The following EPS8L2 variants were observed in gnomAD, a reference collection of about 807,000 sequenced individuals.
EPS8L2 encodes EPS8 signaling adaptor L2, also known as epidermal growth factor receptor kinase substrate 8-like protein 2.
Under a neutral mutation model 99.4 loss-of-function variants are expected in EPS8L2, and 81 were observed. The ratio of observed to expected loss-of-function variants is 0.82; its 90% CI spans 0.68 to 0.98. The LOEUF is 0.98. Among genes scored for constraint, EPS8L2 ranks in the 50% least tolerant of loss-of-function variants. EPS8L2 has a pLI of 0.00. For missense variants in EPS8L2, 1,155 were observed against 968.8 expected (o/e 1.19, Z -2.55); for synonymous variants, 509 against 407.3 (o/e 1.25, Z -3.01).
At chr11:718,255 C>T (rs1862070684) in intron 4 of EPS8L2, among the ~76,000 whole-genome samples, 1 of 151,984 alleles carries the variant, frequency 6.6e-6, no homozygotes, top group Non-Finnish European at 1.5e-5. Context: ...ATCACTTGAA[C>T]CCGGGAGGCG....
At chr11:709,656 C>A in intron 3 of EPS8L2, 48 bp downstream of exon 3, 1 of 1,593,120 alleles carries the variant, frequency 6.3e-7, no homozygotes, top group Non-Finnish European at 8.6e-7. Context: ...GAGAAATGGG[C>A]ACTGCATCCA....
At chr11:707,439 C>G (rs138299721) in intron 1 of EPS8L2, among the ~76,000 whole-genome samples, 2 of 152,120 alleles carry the variant, frequency 1.3e-5, no homozygotes, top group Non-Finnish European at 2.9e-5. Flanking sequence ...ACTTGGAGCC[C>G]GTCCCTCTAC....
chr11:709,260 G>A, intron 1 of EPS8L2, 70 bp from the exon 2 acceptor site: 1 of 967,698 alleles, frequency 1.0e-6, no homozygotes, highest in South Asian at 1.5e-5. Context: ...TCAGGGATCT[G>A]GCCCAGGGAA....
At chr11:714,290 C>T (rs754622644) in intron 4 of EPS8L2, among the ~76,000 whole-genome samples, 2 of 149,914 alleles carry the variant, frequency 1.3e-5, no homozygotes, top group Non-Finnish European at 3.0e-5. Context: ...GGTGCAGTGG[C>T]GTGATCTTGG....
intron 16 of EPS8L2, 40 bp from the exon 17 acceptor site, chr11:725,688 G>A (rs1203057186): frequency 3.1e-6 from 4 of 1,297,732 alleles, no homozygotes; most frequent in Non-Finnish European, 3.9e-6. Context: ...CAGCCCCGCA[G>A]AGCCTGGGTG....
chr11:720,565 G>A (rs758249192), intron 5 of EPS8L2, 32 bp from the exon 6 acceptor site: 6 of 1,582,922 alleles, frequency 3.8e-6, no homozygotes, highest in Admixed American at 1.8e-5. Flanking sequence ...CAGACCCCGG[G>A]TGCGAGTCGT....
chr11:721,018 C>T (rs773972559), intron 7 of EPS8L2, 46 bp from the exon 8 acceptor site: 1 of 1,043,612 alleles, frequency 9.6e-7, no homozygotes, highest in South Asian at 1.9e-5. Flanking sequence ...GAGGGAGGGT[C>T]AGGTGCGTTC....
chr11:720,982 GCA>G, intron 7 of EPS8L2, 73 bp downstream of exon 7: 5 of 1,454,178 alleles, frequency 3.4e-6, no homozygotes, highest in Non-Finnish European at 4.6e-6. Context: ...GGAGGAGCCG[GCA>G]GGGGAGGGGA....
Position 724,689 on chromosome 11 carries a change from C to G in EPS8L2, c.1455-35C>G, listed in dbSNP as rs1456384465. 26 of 1,513,888 alleles carry G rather than the reference C, an allele frequency of 1.7e-5. No individual in the cohort carries two copies. Among genetic ancestry groups the G allele is most frequent in the Non-Finnish European group, 2.3e-5 (25 of 1,090,120 alleles). 93.8% of individuals were successfully genotyped at this position (1,513,888 alleles called of 1,614,324 possible). A position where few individuals can be genotyped will look rare whatever the true frequency, so the allele number is the denominator to read the frequency against. On this transcript the variant is annotated intron_variant, in intron 15 of 20. Coordinates refer to ENST00000318562, the MANE Select transcript of EPS8L2 (RefSeq NM_022772.4). The surrounding 1 kb of genome is among the most constrained non-coding windows in gnomAD (Gnocchi z 5.5). The stretch of plus-strand genomic sequence containing the variant: ...GCCCAGGTCTCAGAGGAGACCCCCA[C>G]CAGACTGGGCCTCAGCCCCTCCTGT...
At chr11:709,474 A>G (rs1360508349) in intron 2 of EPS8L2, 23 bp downstream of exon 2, 11 of 839,066 alleles carry the variant, frequency 1.3e-5, no homozygotes, top group Non-Finnish European at 2.0e-5. Flanking sequence ...ACCCATCCCG[A>G]ATACCCCACC....
Position 724,472 on chromosome 11 carries a change from T to G in EPS8L2, c.1455-252T>G, listed in dbSNP as rs1345733228. On this transcript the variant is annotated intron_variant, in intron 15 of 20. Transcript: ENST00000318562. The surrounding 1 kb of genome is among the most constrained non-coding windows in gnomAD (Gnocchi z 5.5). ...GAGGTGGCCTGGGATGGGCCAGCCT[T>G]GCTGTACCACAGGCCCCTGCGCCAC... 7 of 526,260 alleles carry G rather than the reference T, an allele frequency of 1.3e-5. No homozygotes were observed. In the Admixed American group the frequency reaches 2.3e-4, roughly 17 times the overall value. 32.6% of individuals were successfully genotyped at this position (526,260 alleles called of 1,614,324 possible). A position where few individuals can be genotyped will look rare whatever the true frequency, so the allele number is the denominator to read the frequency against.
In EPS8L2 at chr11:721,830, C is replaced by T. The variant is rs1352398792; in HGVS notation, c.896-73C>T. 8.5e-6 allele frequency: 13 copies of T among 1,526,100 alleles called. No homozygotes were observed. The East Asian group carries it at 9.5e-5, about 11-fold the overall frequency. The allele number at this position is 1,526,100 out of a possible 1,614,324, so 94.5% of individuals were successfully genotyped here. On this transcript the variant is annotated intron_variant, in intron 10 of 20. Transcript: ENST00000318562. ...GGAAGGTCCAGCCCACACAGATGGGCTGCGTGGGACAGAAGGCGCAGGGGC... is the reference window on the plus strand; with the variant it reads ...GGAAGGTCCAGCCCACACAGATGGGTTGCGTGGGACAGAAGGCGCAGGGGC...
chr11:721,560 C>G lies in EPS8L2; in HGVS notation c.769-5C>G, dbSNP rs1172091992. Reference sequence around the variant, plus strand: ...GGGCTGACCCCTGACCCCCTCTGACCCCAGCAAATCCTCAACTGCGCCCTG... The same window carrying G: ...GGGCTGACCCCTGACCCCCTCTGACGCCAGCAAATCCTCAACTGCGCCCTG... On this transcript the variant is annotated splice_region_variant and splice_polypyrimidine_tract_variant and intron_variant, in intron 9 of 20. Transcript: ENST00000318562. The G allele has an allele frequency of 3.9e-6, 6 of 1,551,794 alleles. No individual in the cohort carries two copies. The highest frequency in any genetic ancestry group is 5.2e-6 in the Non-Finnish European group (6 of 1,152,422).
In EPS8L2 at chr11:726,674, G is replaced by A; in HGVS notation, c.1990G>A (p.Glu664Lys). 1 of 1,577,176 alleles carries A rather than the reference G, an allele frequency of 6.3e-7. No homozygotes were observed. The highest frequency in any genetic ancestry group is 8.6e-7 in the Non-Finnish European group (1 of 1,162,634). The stretch of plus-strand genomic sequence containing the variant: ...GCCGCAGCTCTTCTCCCTCAACAAG[G>A]AGGAGCTGAAGAAAGTGTGCGGCGA... ...TGPQLFSLNK[E>K]ELKKVCGEEG... The change falls in exon 20 of 21, where the codon GAG becomes AAG. Residue 664 changes from glutamate (E) to lysine (K), a missense_variant. Glu to Lys is a moderately conservative substitution (Grantham distance 56). Coordinates refer to ENST00000318562, the MANE Select transcript of EPS8L2 (RefSeq NM_022772.4).
intron 1 of EPS8L2, chr11:708,635 G>C (rs1861795302): frequency 1.3e-5 from 2 of 152,338 alleles, no homozygotes. Flanking sequence ...CCGCATCCCT[G>C]CCCTCGAGGT....
intron 4 of EPS8L2, among the ~76,000 whole-genome samples, chr11:712,201 A>C (rs1221716101): frequency 6.6e-6 from 1 of 151,604 alleles, no homozygotes; most frequent in Non-Finnish European, 1.5e-5. Context: ...CAGGAGAATC[A>C]CTAGAACCCG....
Position 721,604 on chromosome 11 carries a change from G to A in EPS8L2, c.808G>A (p.Val270Met). The change falls in exon 10 of 21, where the codon GTG (valine) becomes ATG (methionine). Residue 270 changes from valine (V) to methionine (M), a missense_variant. Coordinates refer to ENST00000318562, the MANE Select transcript of EPS8L2 (RefSeq NM_022772.4). ...NCALDDIEWF[V>M]ARLQKAAEAF... ...CGCCCTGGACGACATCGAGTGGTTT[G>A]TGGCCCGGCTGCAGAAGGCAGCCGA... is the stretch of plus-strand genomic sequence containing the variant. 6.4e-7 allele frequency: 1 copy of A among 1,573,334 alleles called. No homozygotes were observed. The highest frequency in any genetic ancestry group is 8.6e-7 in the Non-Finnish European group (1 of 1,164,316).
At chr11:719,018 T>G (rs1303958227) in intron 4 of EPS8L2, among the ~76,000 whole-genome samples, 2 of 137,980 alleles carry the variant, frequency 1.4e-5, no homozygotes, top group Admixed American at 8.0e-5. Flanking sequence ...CAGCCTGGAG[T>G]GTAGTGGTGC....
chr11:721,374 G>T (rs777306442), intron 9 of EPS8L2, 22 bp downstream of exon 9: 40 of 1,539,212 alleles, frequency 2.6e-5, no homozygotes, highest in African/African-American at 1.4e-4. Context: ...GGCCCGGCAG[G>T]TGGCCCCTCT....
Sources: allele counts gnomAD v4.1 joint callset (sites outside exome capture counted in the v4.1 genomes callset), GRCh38; gene constraint gnomAD v4.1.1; non-coding constraint Gnocchi (gnomAD v3.1); transcripts MANE v1.5; gene names NCBI Gene and HGNC (gene_info 2026-07-23, HGNC 2026-07-21).